The following RBFOX1 variants were observed in gnomAD, a reference collection of about 807,000 sequenced individuals.
RBFOX1 encodes the protein RNA binding fox-1 homolog 1.
RBFOX1 carries 8 observed loss-of-function variants against 57.7 expected under a neutral mutation model. That is an observed-to-expected ratio of 0.14 (90% CI 0.08 to 0.25). The LOEUF (loss-of-function observed/expected upper bound fraction) is 0.25. Among genes scored for constraint, RBFOX1 ranks in the 10% least tolerant of loss-of-function variants. The probability of loss-of-function intolerance (pLI) is 1.00; values close to 1 mark genes in which losing one functional copy is unlikely to be tolerated. For missense variants in RBFOX1, 611 were observed against 548.5 expected (o/e 1.11, Z -1.14); for synonymous variants, 326 against 222.4 (o/e 1.47, Z -4.15).
chr16:6,095,374 A>G (rs1039519210), intron 1 of RBFOX1, among the ~76,000 whole-genome samples: 2 of 152,198 alleles, frequency 1.3e-5, no homozygotes, highest in Non-Finnish European at 2.9e-5. Flanking sequence ...TGAAACTCCA[A>G]CACCTCACTC....
chr16:7,341,881 C>G (rs2096904783), intron 4 of RBFOX1, among the ~76,000 whole-genome samples: 1 of 151,536 alleles, frequency 6.6e-6, no homozygotes, highest in East Asian at 2.0e-4. Context: ...CCCCTTCCCA[C>G]CTTGCATCCA....
At chr16:7,106,649 A>G (rs1240823559) in intron 4 of RBFOX1, among the ~76,000 whole-genome samples, 1 of 152,164 alleles carries the variant, frequency 6.6e-6, no homozygotes, top group Admixed American at 6.6e-5. Context: ...TTGTGTAATG[A>G]TTTGATTTAA....
chr16:6,281,089 C>G (rs1388621511), intron 1 of RBFOX1, among the ~76,000 whole-genome samples: 1 of 151,278 alleles, frequency 6.6e-6, no homozygotes, highest in Non-Finnish European at 1.5e-5. Context: ...CCCTCCTAGA[C>G]ATCTATGTCC....
At chr16:6,424,971 C>T (rs181124471) in intron 2 of RBFOX1, among the ~76,000 whole-genome samples, 7 of 152,162 alleles carry the variant, frequency 4.6e-5, no homozygotes, top group African/African-American at 1.7e-4. Context: ...AAACAGAATA[C>T]AGGAAAAAAT....
At chr16:7,343,531 G>A (rs772307158) in intron 4 of RBFOX1, among the ~76,000 whole-genome samples, 10 of 152,272 alleles carry the variant, frequency 6.6e-5, no homozygotes, top group East Asian at 1.9e-4. Context: ...TCATACTTCC[G>A]TCATATTCTT....
At chr16:6,726,754 C>G (rs1040123776) in intron 3 of RBFOX1, among the ~76,000 whole-genome samples, 2 of 152,092 alleles carry the variant, frequency 1.3e-5, no homozygotes, top group African/African-American at 2.4e-5. Flanking sequence ...AAACTTGTGT[C>G]TTTGAATATC....
chr16:7,659,254 G>A (rs2067093837), intron 12 of RBFOX1, among the ~76,000 whole-genome samples: 2 of 152,310 alleles, frequency 1.3e-5, no homozygotes, highest in South Asian at 4.1e-4. Flanking sequence ...GCTGGTCAGT[G>A]GAAGAACAAA....
intron 3 of RBFOX1, among the ~76,000 whole-genome samples, chr16:6,725,469 C>G (rs1047413658): frequency 2.0e-5 from 3 of 152,072 alleles, no homozygotes; most frequent in Non-Finnish European, 4.4e-5. Flanking sequence ...TGAATGCAGC[C>G]CAGTGGGTCT....
chr16:7,158,064 G>A (rs2077505555), intron 4 of RBFOX1, among the ~76,000 whole-genome samples: 2 of 152,256 alleles, frequency 1.3e-5, no homozygotes, highest in Admixed American at 1.3e-4. Flanking sequence ...AAACTACAGG[G>A]TTGGCTGGGC....
chr16:5,993,541 A>G (rs1232465100), intron 4 of RBFOX1, among the ~76,000 whole-genome samples: 1 of 152,156 alleles, frequency 6.6e-6, no homozygotes, highest in Admixed American at 6.5e-5. Flanking sequence ...TTACCCAGCA[A>G]GCATGAGTCT....
At chr16:6,802,606 G>T (rs2085747477) in intron 3 of RBFOX1, among the ~76,000 whole-genome samples, 1 of 152,188 alleles carries the variant, frequency 6.6e-6, no homozygotes, top group African/African-American at 2.4e-5. Flanking sequence ...GAACCTGGGT[G>T]GCCGAGATTG....
rs115885136 is a variant in RBFOX1 at position 6,586,023 on chromosome 16, G to T, written c.-63-68580G>T. ...CCCAATAAGTGAAATAATATATACTGCAATGTATAGAACAGGTACTAGCTG... is the reference window on the plus strand; with the variant it reads ...CCCAATAAGTGAAATAATATATACTTCAATGTATAGAACAGGTACTAGCTG... On this transcript the variant is annotated intron_variant, in intron 2 of 15. Coordinates refer to ENST00000550418, the MANE Select transcript of RBFOX1 (RefSeq NM_018723.4). 2.9e-3 allele frequency among the ~76,000 whole-genome samples: 437 copies of T among 152,288 alleles called. 3 individuals carry two copies. Among genetic ancestry groups the T allele is most frequent in the African/African-American group, 0.01 (421 of 41,546 alleles).
chr16:7,338,209 C>A (rs1225517154), intron 4 of RBFOX1, among the ~76,000 whole-genome samples: 2 of 151,874 alleles, frequency 1.3e-5, no homozygotes, highest in African/African-American at 4.8e-5. Flanking sequence ...TCCCCACCCC[C>A]ACCTAAGCAT....
intron 1 of RBFOX1, among the ~76,000 whole-genome samples, chr16:6,079,846 G>T (rs1021644082): frequency 6.6e-6 from 1 of 152,056 alleles, no homozygotes; most frequent in Non-Finnish European, 1.5e-5. Flanking sequence ...AAGCAAAAAA[G>T]AAAAAGCCTT....
chr16:6,882,468 C>G (rs1264365126), intron 3 of RBFOX1, among the ~76,000 whole-genome samples: 1 of 152,064 alleles, frequency 6.6e-6, no homozygotes, highest in South Asian at 2.1e-4. Context: ...GTGGTACGTG[C>G]TTGTAATCCC....
chr16:5,826,998 A>G (rs996458064), intron 3 of RBFOX1, among the ~76,000 whole-genome samples: 1 of 152,168 alleles, frequency 6.6e-6, no homozygotes, highest in East Asian at 1.9e-4. Flanking sequence ...AGTGCTCACC[A>G]TCTCCCAGAG....
chr16:5,896,282 T>C (rs890136767), intron 4 of RBFOX1, among the ~76,000 whole-genome samples: 5 of 152,128 alleles, frequency 3.3e-5, no homozygotes, highest in African/African-American at 1.2e-4. Context: ...TTGATCCTAA[T>C]GTTGGAGGTG....
At chr16:5,676,833 G>C (rs1327954986) in intron 3 of RBFOX1, among the ~76,000 whole-genome samples, 2 of 151,868 alleles carry the variant, frequency 1.3e-5, no homozygotes, top group African/African-American at 4.8e-5. Flanking sequence ...CTGTATTCCA[G>C]CCTGGGCAAC....
At chr16:6,940,671 C>G (rs1567986139) in intron 3 of RBFOX1, among the ~76,000 whole-genome samples, 2 of 152,180 alleles carry the variant, frequency 1.3e-5, no homozygotes, top group Admixed American at 1.3e-4. Context: ...GATCTCAGCT[C>G]ACTGCAAGCT....
Sources: gnomAD v4.1 joint callset for allele counts (sites outside exome capture counted in the v4.1 genomes callset) on GRCh38, gnomAD v4.1.1 for gene constraint, MANE v1.5 for transcripts, NCBI Gene and HGNC (gene_info 2026-07-23, HGNC 2026-07-21) for gene names.